Variants in CTDP1 observed in about 807,000 individuals in gnomAD.
CTDP1 encodes CTD phosphatase 1, also known as RNA polymerase II subunit A C-terminal domain phosphatase.
CTDP1 carries 47 observed loss-of-function variants against 91.8 expected under a neutral mutation model. The observed-to-expected ratio is 0.51, with a 90% CI of 0.41 to 0.65. The LOEUF (loss-of-function observed/expected upper bound fraction) is 0.65, where lower values mean the gene tolerates loss of function less well. CTDP1 is among the 30% of genes least tolerant of loss of function. The pLI, the probability that CTDP1 is intolerant of heterozygous loss-of-function variation, is 0.00. For missense variants in CTDP1, 1,272 were observed against 1,373.7 expected (o/e 0.93, Z 1.17); for synonymous variants, 656 against 598.5 (o/e 1.10, Z -1.40).
intron 11 of CTDP1, among the ~76,000 whole-genome samples, chr18:79,731,307 T>C (rs1288350140): frequency 6.6e-6 from 1 of 152,168 alleles, no homozygotes; most frequent in African/African-American, 2.4e-5. Flanking sequence ...AGGTGGGCAT[T>C]GGCTGCTCCA....
At chr18:79,724,676 A>T (rs544881553) in intron 10 of CTDP1, among the ~76,000 whole-genome samples, 1 of 152,256 alleles carries the variant, frequency 6.6e-6, no homozygotes, top group Admixed American at 6.5e-5. Flanking sequence ...AAAAGTTATT[A>T]ATTTTCACGA....
At chr18:79,733,225 G>T (rs2086600288) in intron 11 of CTDP1, among the ~76,000 whole-genome samples, 3 of 151,900 alleles carry the variant, frequency 2.0e-5, no homozygotes, top group African/African-American at 7.3e-5. Context: ...CCTCAGCAGA[G>T]GACAGGTGTG....
rs2085930348 is a variant in CTDP1 at position 79,704,692 on chromosome 18, TCGGGCA to T, written c.622-73_622-68del. On this transcript the variant is annotated intron_variant, in intron 4 of 12. Transcript: ENST00000613122. ...CACGTGTGTTCTCAGGATGCCTGTC[TCGGGCA>T]CACAGGTTGCGGGGGCGGCCGGGGC... is the stretch of plus-strand genomic sequence containing the variant. 3 of 1,587,274 alleles carry T rather than the reference TCGGGCA, an allele frequency of 1.9e-6. No individual in the cohort carries two copies. The African/African-American group carries it at 4.0e-5, about 21-fold the overall frequency.
intron 10 of CTDP1, among the ~76,000 whole-genome samples, chr18:79,722,286 A>G (rs2086360846): frequency 6.6e-6 from 1 of 152,240 alleles, no homozygotes; most frequent in Non-Finnish European, 1.5e-5. Context: ...GTGTTCTGAA[A>G]TGTGTATAAT....
intron 11 of CTDP1, among the ~76,000 whole-genome samples, chr18:79,730,641 T>C (rs2086546446): frequency 6.6e-6 from 1 of 152,212 alleles, no homozygotes; most frequent in South Asian, 2.1e-4. Context: ...GTTCTGTGCA[T>C]GGGAGAGAGG....
At chr18:79,722,362 C>T (rs1479576638) in intron 10 of CTDP1, among the ~76,000 whole-genome samples, 1 of 152,138 alleles carries the variant, frequency 6.6e-6, no homozygotes, top group African/African-American at 2.4e-5. Context: ...CTGTGCCTTC[C>T]GTGAGGAAGA....
intron 10 of CTDP1, among the ~76,000 whole-genome samples, chr18:79,726,882 C>A (rs1199654715): frequency 8.5e-6 from 1 of 117,630 alleles, no homozygotes; most frequent in Non-Finnish European, 1.8e-5. Context: ...TGGGGTGACG[C>A]CGTTGCTGGT....
At chr18:79,683,594 G>A (rs1256435095) in intron 1 of CTDP1, among the ~76,000 whole-genome samples, 1 of 152,254 alleles carries the variant, frequency 6.6e-6, no homozygotes, top group Non-Finnish European at 1.5e-5. Context: ...AAACTCAGGT[G>A]TCAGAAACGG....
intron 1 of CTDP1, among the ~76,000 whole-genome samples, chr18:79,688,791 C>T (rs2122417451): frequency 6.6e-6 from 1 of 152,276 alleles, no homozygotes; most frequent in Non-Finnish European, 1.5e-5. Flanking sequence ...GATCCTGCCT[C>T]AGCCTCGCTA....
chr18:79,699,361 C>T (rs551779463), intron 4 of CTDP1, among the ~76,000 whole-genome samples: 9 of 152,224 alleles, frequency 5.9e-5, no homozygotes, highest in Admixed American at 4.6e-4. Flanking sequence ...CCCGAGTTCA[C>T]GCCATTCTCC....
rs1384571335 is a variant in CTDP1, at chr18:79,715,085, G to A, written c.1625G>A (p.Cys542Tyr). ...GAGGAGGGCGAGCGGGATGGCCTCT[G>A]CGGCCTGGGCAACGGCTGTGCCGAC... ...GQEEGERDGL[C>Y]GLGNGCADRK... Residue 542 changes from cysteine to tyrosine, a missense_variant, in exon 8 of 13, where the codon TGC becomes TAC. Physicochemically the swap from Cys to Tyr is radical, Grantham distance 194. This residue lies in a region of CTDP1 where 881 missense variants were observed against 911.6 expected (regional missense o/e 0.97). Coordinates refer to ENST00000613122, the MANE Select transcript of CTDP1 (RefSeq NM_004715.5). The A allele has an allele frequency of 1.2e-6, 2 of 1,613,018 alleles. No homozygotes were observed. Among genetic ancestry groups the A allele is most frequent in the Non-Finnish European group, 1.7e-6 (2 of 1,179,920 alleles).
At chr18:79,750,826 A>T (rs2086982958) in intron 12 of CTDP1, among the ~76,000 whole-genome samples, 1 of 151,916 alleles carries the variant, frequency 6.6e-6, no homozygotes, top group Admixed American at 6.6e-5. Context: ...CTCCGCTTTT[A>T]AATGATGGGA....
At chr18:79,716,715 G>C (rs916349308) in intron 8 of CTDP1, among the ~76,000 whole-genome samples, 3 of 152,228 alleles carry the variant, frequency 2.0e-5, no homozygotes, top group African/African-American at 7.2e-5. Flanking sequence ...CCTGTCCTGT[G>C]AGTGCCCAAG....
intron 12 of CTDP1, among the ~76,000 whole-genome samples, chr18:79,744,200 C>G (rs1049619136): frequency 6.6e-6 from 1 of 152,236 alleles, no homozygotes; most frequent in Non-Finnish European, 1.5e-5. Context: ...TATGTTCTTT[C>G]ATGTCTCATG....
At chr18:79,740,442 G>A (rs55905661) in intron 12 of CTDP1, among the ~76,000 whole-genome samples, 8,939 of 152,288 alleles carry the variant, frequency 0.059, 402 homozygotes, top group Non-Finnish European at 0.096. Flanking sequence ...TGTTTATGGG[G>A]TATTCAGTGA....
intron 5 of CTDP1, among the ~76,000 whole-genome samples, chr18:79,708,881 C>G (rs73484978): frequency 1.3e-5 from 2 of 152,222 alleles, no homozygotes; most frequent in African/African-American, 2.4e-5. Context: ...ATGTTGTATT[C>G]ATTCCCGCAC....
chr18:79,736,902 C>T lies in CTDP1; in HGVS notation c.2747+381C>T, dbSNP rs904125571. 2.1e-4 allele frequency among the ~76,000 whole-genome samples: 4 copies of T among 19,436 alleles called. No individual in the cohort carries two copies. In the Admixed American group the frequency reaches 3.8e-3, roughly 19 times the overall value. The allele number at this position is 19,436 out of a possible 152,430, so 12.8% of individuals were successfully genotyped here. A position where few individuals can be genotyped will look rare whatever the true frequency, so the allele number is the denominator to read the frequency against. ...TGCGCACAGGCGTGTGTGGGTTCTG[C>T]AGGTGGGGGGTCTGCACGTGTGCAC... On this transcript the variant is annotated intron_variant, in intron 12 of 12. Transcript: ENST00000613122.
chr18:79,729,620 C>A (rs901860938), intron 11 of CTDP1, among the ~76,000 whole-genome samples: 1 of 152,216 alleles, frequency 6.6e-6, no homozygotes, highest in Non-Finnish European at 1.5e-5. Context: ...GTTTTCTCAG[C>A]CGGGTCCTGC....
chr18:79,719,867 C>T (rs984358288), intron 10 of CTDP1, among the ~76,000 whole-genome samples: 3 of 148,486 alleles, frequency 2.0e-5, no homozygotes. Context: ...GATGCTGTCA[C>T]CTCCCATTAG....
Sources: gnomAD v4.1 joint callset for allele counts (sites outside exome capture counted in the v4.1 genomes callset) on GRCh38, gnomAD v4.1.1 for gene constraint, gnomAD v4.1.1 regional missense constraint, MANE v1.5 for transcripts, NCBI Gene and HGNC (gene_info 2026-07-23, HGNC 2026-07-21) for gene names.